The following CUX2 variants were observed in gnomAD, a reference collection of about 807,000 sequenced individuals.
The protein encoded by CUX2 is cut like homeobox 2, also known as homeobox protein cut-like 2.
A neutral mutation model predicts 144.8 loss-of-function variants in CUX2; 40 were observed. That is an observed-to-expected ratio of 0.28 (90% CI 0.21 to 0.36). The LOEUF (loss-of-function observed/expected upper bound fraction) is 0.36. Ranked by LOEUF, CUX2 falls within the 10% of genes least tolerant of loss-of-function variation. CUX2 has a pLI of 1.00. For missense variants in CUX2, 1,615 were observed against 1,994.0 expected (o/e 0.81, Z 3.62); for synonymous variants, 827 against 875.6 (o/e 0.94, Z 0.98).
intron 1 of CUX2, among the ~76,000 whole-genome samples, chr12:111,121,259 C>G (rs768136775): frequency 2.0e-5 from 3 of 151,718 alleles, no homozygotes; most frequent in African/African-American, 7.3e-5. Context: ...AGAGTAGCAG[C>G]GAACTCGGTC....
At chr12:111,134,828 A>T (rs1875751632) in intron 1 of CUX2, among the ~76,000 whole-genome samples, 3 of 152,086 alleles carry the variant, frequency 2.0e-5, no homozygotes, top group Admixed American at 1.3e-4. Flanking sequence ...TACCAGAAAA[A>T]CTGGGTGGGA....
chr12:111,048,716 C>T lies in CUX2; in HGVS notation c.63+14476C>T, dbSNP rs967470563. ...TAAAAAGATGAGGTGACTAAGACGG[C>T]GTGGCTGTAGAGCCCGGGCCACATG... On this transcript the variant is annotated intron_variant, in intron 1 of 21. Coordinates refer to ENST00000261726, the MANE Select transcript of CUX2 (RefSeq NM_015267.4). Among the ~76,000 whole-genome samples, 11 of 152,166 alleles carry T rather than the reference C, an allele frequency of 7.2e-5. No individual in the cohort carries two copies. In the East Asian group the frequency reaches 1.9e-3, roughly 27 times the overall value.
intron 1 of CUX2, among the ~76,000 whole-genome samples, chr12:111,053,769 C>T (rs983202372): frequency 1.3e-5 from 2 of 152,208 alleles, no homozygotes; most frequent in Admixed American, 6.5e-5. Context: ...CCGTATCAGA[C>T]GGTGAACTCA....
chr12:111,231,917 C>T (rs1403899985), intron 3 of CUX2, among the ~76,000 whole-genome samples: 5 of 151,776 alleles, frequency 3.3e-5, no homozygotes, highest in Admixed American at 1.3e-4. Flanking sequence ...ACCAACCTGG[C>T]CAACATGGTG....
intron 1 of CUX2, among the ~76,000 whole-genome samples, chr12:111,110,313 C>T (rs964039384): frequency 2.0e-5 from 3 of 152,180 alleles, no homozygotes; most frequent in Non-Finnish European, 2.9e-5. Flanking sequence ...GCACAAGGAG[C>T]TTGTCACTGC....
rs142121517 is a variant in CUX2, at chr12:111,102,869, A to C, written c.63+68629A>C. Reference sequence around the variant, plus strand: ...CAGTTTGCGTAGTAAGTGATCAAAAAAAAAGCTGTTATTGTTATTACTATT... The same window carrying C: ...CAGTTTGCGTAGTAAGTGATCAAAACAAAAGCTGTTATTGTTATTACTATT... On this transcript the variant is annotated intron_variant, in intron 1 of 21. Transcript: ENST00000261726. Among the ~76,000 whole-genome samples, 935 of 152,320 alleles carry C rather than the reference A, an allele frequency of 6.1e-3. 17 individuals carry two copies. Among genetic ancestry groups the C allele is most frequent in the African/African-American group, 0.021 (889 of 41,566 alleles).
chr12:111,080,084 T>G (rs1871788840), intron 1 of CUX2, among the ~76,000 whole-genome samples: 1 of 152,204 alleles, frequency 6.6e-6, no homozygotes. Flanking sequence ...ATATCTGGCC[T>G]TCTTGTTTCT....
intron 1 of CUX2, among the ~76,000 whole-genome samples, chr12:111,176,290 T>C (rs896507876): frequency 2.2e-4 from 33 of 151,958 alleles, no homozygotes; most frequent in African/African-American, 8.0e-4. Context: ...CGAGCAATCC[T>C]CATGCCTTGG....
In CUX2 at chr12:111,115,048, G is replaced by A. The variant is rs182274917; in HGVS notation, c.63+80808G>A. 1.7e-3 allele frequency among the ~76,000 whole-genome samples: 256 copies of A among 152,030 alleles called. 3 individuals are homozygous for A. The highest frequency in any genetic ancestry group is 5.4e-3 in the African/African-American group (222 of 41,462). On this transcript the variant is annotated intron_variant, in intron 1 of 21. Coordinates refer to ENST00000261726, the MANE Select transcript of CUX2 (RefSeq NM_015267.4). ...ATATGTCTATCCTTATAGCATTACC[G>A]TACTTTATTGATTACTATATCTTCA...
At chr12:111,066,367 C>T (rs1156445168) in intron 1 of CUX2, among the ~76,000 whole-genome samples, 4 of 152,186 alleles carry the variant, frequency 2.6e-5, no homozygotes, top group Non-Finnish European at 5.9e-5. Flanking sequence ...CACTGAAGTC[C>T]TCTCAATGTA....
rs994810052 is a variant in CUX2 at position 111,322,053 on chromosome 12, C to G, written c.2767-368C>G. 6.6e-6 allele frequency among the ~76,000 whole-genome samples: 1 copy of G among 151,982 alleles called. No homozygotes were observed. Among genetic ancestry groups the G allele is most frequent in the Non-Finnish European group, 1.5e-5 (1 of 68,012 alleles). Reference sequence around the variant, plus strand: ...GGATGGGAGGCTGGGCATGGTGGCTCACACCTATAATCCCAACACTGTGGG... The same window carrying G: ...GGATGGGAGGCTGGGCATGGTGGCTGACACCTATAATCCCAACACTGTGGG... On this transcript the variant is annotated intron_variant, in intron 17 of 21. Coordinates refer to ENST00000261726, the MANE Select transcript of CUX2 (RefSeq NM_015267.4). The surrounding 1 kb of genome is among the most constrained non-coding windows in gnomAD (Gnocchi z 4.2).
chr12:111,117,320 A>T (rs1476336237), intron 1 of CUX2, among the ~76,000 whole-genome samples: 1 of 152,190 alleles, frequency 6.6e-6, no homozygotes, highest in East Asian at 1.9e-4. Context: ...GACTTGGCTC[A>T]TCAGTGTCTC....
chr12:111,083,369 T>C (rs1872013915), intron 1 of CUX2, among the ~76,000 whole-genome samples: 1 of 152,030 alleles, frequency 6.6e-6, no homozygotes, highest in African/African-American at 2.4e-5. Flanking sequence ...AGGAGACAGA[T>C]GTTGGAGCCT....
intron 1 of CUX2, among the ~76,000 whole-genome samples, chr12:111,036,635 G>C (rs149161782): frequency 2.6e-4 from 39 of 151,722 alleles, no homozygotes; most frequent in Admixed American, 6.6e-4. Context: ...TATGTGAAGG[G>C]GGGGGTTGTT....
At chr12:111,158,340 G>A (rs960695283) in intron 1 of CUX2, among the ~76,000 whole-genome samples, 3 of 151,904 alleles carry the variant, frequency 2.0e-5, no homozygotes, top group African/African-American at 7.3e-5. Context: ...AAGTGCGGTG[G>A]CTCATGCCTA....
chr12:111,184,153 G>A (rs1394979806), intron 1 of CUX2, among the ~76,000 whole-genome samples: 2 of 152,294 alleles, frequency 1.3e-5, no homozygotes, highest in East Asian at 3.9e-4. Flanking sequence ...ATTTACATAG[G>A]TGCAGCTGTG....
intron 3 of CUX2, among the ~76,000 whole-genome samples, chr12:111,220,491 C>T (rs781016253): frequency 4.1e-4 from 62 of 152,000 alleles, no homozygotes; most frequent in Non-Finnish European, 7.8e-4. Flanking sequence ...AAAATACATG[C>T]AAATCTGACT....
At position 111,310,213 on chromosome 12, in the gene CUX2, G is replaced by C; in HGVS notation, c.1431G>C (p.Ser477=). The part of the protein sequence containing the change: ...SLGPDGTRTF[S]LSPFPSLASG... The stretch of plus-strand genomic sequence containing the variant: ...GGCCTGACGGCACTCGGACTTTCTC[G>C]CTGTCCCCCTTCCCCAGCCTGGCAT... The change falls in exon 15 of 22, where the codon TCG becomes TCC. Residue 477 remains serine (S), a synonymous_variant. Coordinates refer to ENST00000261726, the MANE Select transcript of CUX2 (RefSeq NM_015267.4). The surrounding 1 kb of genome is among the most constrained non-coding windows in gnomAD (Gnocchi z 7.9). 1 of 1,514,400 alleles carries C rather than the reference G, an allele frequency of 6.6e-7. No homozygotes were observed. Among genetic ancestry groups the C allele is most frequent in the Non-Finnish European group, 8.8e-7 (1 of 1,131,788 alleles). 93.8% of individuals were successfully genotyped at this position (1,514,400 alleles called of 1,614,324 possible). A position where few individuals can be genotyped will look rare whatever the true frequency, so the allele number is the denominator to read the frequency against.
At chr12:111,093,645 G>T (rs1336309728) in intron 1 of CUX2, among the ~76,000 whole-genome samples, 1 of 152,166 alleles carries the variant, frequency 6.6e-6, no homozygotes, top group Non-Finnish European at 1.5e-5. Context: ...TTTGACGGGG[G>T]GGCGATGAAC....
Sources: gnomAD v4.1 joint callset for allele counts (sites outside exome capture counted in the v4.1 genomes callset) on GRCh38, gnomAD v4.1.1 for gene constraint, Gnocchi (gnomAD v3.1) non-coding constraint, MANE v1.5 for transcripts, NCBI Gene and HGNC (gene_info 2026-07-23, HGNC 2026-07-21) for gene names.